GZMM: variants seen among roughly 807,000 people sequenced by gnomAD.
GZMM encodes the protein HU-Met-1.
In GZMM, 23 loss-of-function variants were observed where a neutral mutation model predicts 19.2. That is an observed-to-expected ratio of 1.20 (90% confidence interval 0.86 to 1.69). The LOEUF is 1.69. GZMM is among the 40% of genes most tolerant of loss of function. GZMM has a pLI of 0.00. For missense variants in GZMM, 373 were observed against 352.2 expected, an observed-to-expected ratio of 1.06 and a Z score of -0.47; for synonymous variants, 178 against 160.2, an observed-to-expected ratio of 1.11 and a Z score of -0.84.
At position 549,857 on chromosome 19, in the gene GZMM, G is replaced by C. The variant is rs1568336763; in HGVS notation, c.*66G>C. 1 of 1,130,096 alleles carries C rather than the reference G, an allele frequency of 8.8e-7. No homozygotes were observed. Among genetic ancestry groups the C allele is most frequent in the Admixed American group, 1.8e-5 (1 of 56,236 alleles). 70.0% of individuals were successfully genotyped at this position (1,130,096 alleles called of 1,614,324 possible). A position where few individuals can be genotyped will look rare whatever the true frequency, so the allele number is the denominator to read the frequency against. On this transcript the variant is annotated 3_prime_UTR_variant, in exon 5 of 5. Transcript: ENST00000264553. ...ACCCTTCCCCTCCAGGGGTGCAGTG[G>C]GGTGGGTGAGGACGGGTGGGAGGGA...
intron 1 of GZMM, among the ~76,000 whole-genome samples, chr19:544,468 G>C (rs908253994): frequency 6.6e-6 from 1 of 152,086 alleles, no homozygotes; most frequent in Admixed American, 6.5e-5. Flanking sequence ...TGGGAGGGCA[G>C]AGCTGGGACT....
rs762014911 is a variant in GZMM, at chr19:544,084, G to A, written c.13G>A (p.Val5Met). ...TCTCCACAGCGGCATGGAGGCCTGCGTGTCTTCACTGCTGGTGCTGGCCCT... is the reference window on the plus strand; with the variant it reads ...TCTCCACAGCGGCATGGAGGCCTGCATGTCTTCACTGCTGGTGCTGGCCCT... MEAC[V>M]SSLLVLALGA... is the part of the protein sequence containing the mutation. Residue 5 changes from valine (V) to methionine (M), a missense_variant, in exon 1 of 5, where the codon GTG becomes ATG. By Grantham distance (21) the Val-to-Met change is conservative (BLOSUM62 1). Transcript: ENST00000264553. 15 of 1,548,966 alleles carry A rather than the reference G, an allele frequency of 9.7e-6. No homozygotes were observed. Among genetic ancestry groups the A allele is most frequent in the South Asian group, 4.8e-5 (4 of 84,018 alleles).
At chr19:547,496 C>T in intron 2 of GZMM, 60 bp downstream of exon 2, 1 of 1,237,268 alleles carries the variant, frequency 8.1e-7, no homozygotes, top group Non-Finnish European at 1.0e-6. Context: ...GGCGCCCATT[C>T]TCTGCAGGGG....
At chr19:545,744 A>C (rs1980254685) in intron 1 of GZMM, among the ~76,000 whole-genome samples, 2 of 151,474 alleles carry the variant, frequency 1.3e-5, no homozygotes, top group South Asian at 2.1e-4. Flanking sequence ...CCCGGGTTCA[A>C]GCGATTCTCC....
chr19:547,253 C>T, intron 1 of GZMM, 27 bp from the exon 2 acceptor site: 1 of 1,487,046 alleles, frequency 6.7e-7, no homozygotes, highest in African/African-American at 1.4e-5. Context: ...TAGCCCCAAC[C>T]TGGCTCTTTG....
chr19:548,645 C>G lies in GZMM; in HGVS notation c.316C>G (p.Pro106Ala). 5 of 1,613,564 alleles carry G rather than the reference C, an allele frequency of 3.1e-6. No individual in the cohort carries two copies. Among genetic ancestry groups the G allele is most frequent in the Non-Finnish European group, 3.4e-6 (4 of 1,179,790 alleles). Residue 106 changes from proline to alanine, a missense_variant, in exon 3 of 5, where the codon CCT becomes GCT. Physicochemically the swap from Pro to Ala is conservative, Grantham distance 27. Transcript: ENST00000264553. ...AIQHPRYKPVPALENDLALLQ... is the reference protein window; with the variant it reads ...AIQHPRYKPVAALENDLALLQ... ...CCAGCACCCTCGCTACAAGCCCGTC[C>G]CTGCCCTGGAGAACGACCTCGCGCT...
intron 1 of GZMM, among the ~76,000 whole-genome samples, chr19:544,471 C>T (rs1414752156): frequency 6.6e-6 from 1 of 151,784 alleles, no homozygotes; most frequent in Non-Finnish European, 1.5e-5. Flanking sequence ...GAGGGCAGAG[C>T]TGGGACTCGA....
chr19:549,857 GGGTGGGT>G lies in GZMM; in HGVS notation c.*68_*74del. 1 of 1,130,096 alleles carries G rather than the reference GGGTGGGT, an allele frequency of 8.8e-7. No individual in the cohort carries two copies. The highest frequency in any genetic ancestry group is 1.3e-6 in the Non-Finnish European group (1 of 767,814). 70.0% of individuals were successfully genotyped at this position (1,130,096 alleles called of 1,614,324 possible). On this transcript the variant is annotated 3_prime_UTR_variant, in exon 5 of 5. Coordinates refer to ENST00000264553, the MANE Select transcript of GZMM (RefSeq NM_005317.4). ...ACCCTTCCCCTCCAGGGGTGCAGTG[GGGTGGGT>G]GAGGACGGGTGGGAGGGACAGGGAG...
At chr19:547,132 C>G in intron 1 of GZMM, 148 bp from the exon 2 acceptor site, 1 of 613,642 alleles carries the variant, frequency 1.6e-6, no homozygotes, top group Non-Finnish European at 2.6e-6. Flanking sequence ...CCACACGTAT[C>G]AGCCTAAAAG....
chr19:546,802 C>T (rs1980300651), intron 1 of GZMM, among the ~76,000 whole-genome samples: 1 of 151,812 alleles, frequency 6.6e-6, no homozygotes, highest in Non-Finnish European at 1.5e-5. Context: ...CGTGCCATTG[C>T]ACTCCAGCCT....
chr19:549,853 A>G lies in GZMM; in HGVS notation c.*62A>G. The G allele has an allele frequency of 7.0e-6, 4 of 570,582 alleles. No homozygotes were observed. Among genetic ancestry groups the G allele is most frequent in the Non-Finnish European group, 1.3e-5 (4 of 311,444 alleles). The allele number at this position is 570,582 out of a possible 1,614,324, so 35.3% of individuals were successfully genotyped here. ...CAGGACCCTTCCCCTCCAGGGGTGCAGTGGGGTGGGTGAGGACGGGTGGGA... is the reference window on the plus strand; with the variant it reads ...CAGGACCCTTCCCCTCCAGGGGTGCGGTGGGGTGGGTGAGGACGGGTGGGA... On this transcript the variant is annotated 3_prime_UTR_variant, in exon 5 of 5. Coordinates refer to ENST00000264553, the MANE Select transcript of GZMM (RefSeq NM_005317.4).
At chr19:547,087 G>A (rs1295864729) in intron 1 of GZMM, among the ~76,000 whole-genome samples, 193 bp from the exon 2 acceptor site, 1 of 138,846 alleles carries the variant, frequency 7.2e-6, no homozygotes, top group Non-Finnish European at 1.6e-5. Context: ...CATGATGGGG[G>A]TGATGAGAGG....
chr19:544,832 T>C (rs913057495), intron 1 of GZMM, among the ~76,000 whole-genome samples: 2 of 147,976 alleles, frequency 1.4e-5, no homozygotes, highest in African/African-American at 5.0e-5. Flanking sequence ...TACCCATGGG[T>C]CCATCATCCA....
At position 544,054 on chromosome 19, in the gene GZMM, C is replaced by T; in HGVS notation, c.-18C>T. 4 of 1,546,722 alleles carry T rather than the reference C, an allele frequency of 2.6e-6. No individual in the cohort carries two copies. Among genetic ancestry groups the T allele is most frequent in the South Asian group, 1.2e-5 (1 of 83,950 alleles). On this transcript the variant is annotated 5_prime_UTR_variant, in exon 1 of 5. Transcript: ENST00000264553. Reference sequence around the variant, plus strand: ...CTCGGGGCCGGGGCCAGCACCCACACTGGGTCTCCACAGCGGCATGGAGGC... The same window carrying T: ...CTCGGGGCCGGGGCCAGCACCCACATTGGGTCTCCACAGCGGCATGGAGGC...
intron 3 of GZMM, 89 bp downstream of exon 3, chr19:548,766 ACCCTCCCCCCGCACTGCTGC>A (rs1980389038): frequency 2.7e-5 from 13 of 477,704 alleles, no homozygotes; most frequent in South Asian, 1.3e-4. Flanking sequence ...CCCGCTGCCG[ACCCTCCCCCCGCACTGCTGC>A]CCCTCCCCCC....
chr19:544,172 C>T (rs1600436648), intron 1 of GZMM, 46 bp downstream of exon 1: 1 of 1,486,622 alleles, frequency 6.7e-7, no homozygotes, highest in Non-Finnish European at 9.2e-7. Context: ...GCCCAGCGCT[C>T]TCGGTGGGTC....
At chr19:546,247 C>T (rs930488944) in intron 1 of GZMM, among the ~76,000 whole-genome samples, 1 of 152,044 alleles carries the variant, frequency 6.6e-6, no homozygotes, top group African/African-American at 2.4e-5. Flanking sequence ...TATTTAAAGA[C>T]TACATTTCTT....
chr19:548,917 C>T lies in GZMM; in HGVS notation c.349-5C>T, dbSNP rs768877164. The T allele has an allele frequency of 3.6e-5, 56 of 1,552,338 alleles. No homozygotes were observed. Among genetic ancestry groups the T allele is most frequent in the Non-Finnish European group, 4.4e-5 (50 of 1,146,128 alleles). ...TGCTCACCTGCCCCTTCCTGTCACT[C>T]GTAGCTGGACGGGAAAGTGAAGCCC... On this transcript the variant is annotated splice_polypyrimidine_tract_variant and splice_region_variant and intron_variant, in intron 3 of 4. Coordinates refer to ENST00000264553, the MANE Select transcript of GZMM (RefSeq NM_005317.4).
At chr19:547,017 G>A (rs1600440434) in intron 1 of GZMM, among the ~76,000 whole-genome samples, 1 of 150,340 alleles carries the variant, frequency 6.7e-6, no homozygotes, top group African/African-American at 2.4e-5. Flanking sequence ...CTGTGGCTGT[G>A]GGGCCCAGTG....
Sources: gnomAD v4.1 joint callset for allele counts (sites outside exome capture counted in the v4.1 genomes callset) on GRCh38, gnomAD v4.1.1 for gene constraint, MANE v1.5 for transcripts, NCBI Gene and HGNC (gene_info 2026-07-23, HGNC 2026-07-21) for gene names.